Variants in C10orf88 observed in about 807,000 individuals in gnomAD.
C10orf88 encodes the protein ATPase PAAT.
In C10orf88, 29 loss-of-function variants were observed where a neutral mutation model predicts 34.2. The observed-to-expected ratio is 0.85, with a 90% confidence interval of 0.63 to 1.16. C10orf88 has a LOEUF of 1.16. C10orf88 is among the 50% of genes most tolerant of loss of function. The probability of loss-of-function intolerance (pLI) is 0.00; values close to 1 mark genes in which losing one functional copy is unlikely to be tolerated. For synonymous variants in C10orf88, 194 were observed against 197.4 expected (o/e 0.98, Z 0.15); for missense variants, 507 against 533.2 (o/e 0.95, Z 0.48).
intron 4 of C10orf88, among the ~76,000 whole-genome samples, chr10:122,942,661 G>A (rs1490323882): frequency 2.7e-5 from 4 of 150,190 alleles, no homozygotes; most frequent in African/African-American, 4.9e-5. Flanking sequence ...AAGCTGATAA[G>A]CAACTTCAGC....
chr10:122,950,246 A>G (rs765746570), intron 3 of C10orf88, among the ~76,000 whole-genome samples: 6 of 152,244 alleles, frequency 3.9e-5, no homozygotes, highest in Non-Finnish European at 8.8e-5. Context: ...TGCGAGGATT[A>G]TATGTTAAAA....
chr10:122,949,024 A>AT (rs1358481753), intron 3 of C10orf88, among the ~76,000 whole-genome samples, 169 bp from the exon 4 acceptor site: 4 of 152,230 alleles, frequency 2.6e-5, no homozygotes, highest in Non-Finnish European at 4.4e-5. Flanking sequence ...AAAAATTCCA[A>AT]TTTATCATGA....
chr10:122,932,320 G>A lies in C10orf88; in HGVS notation c.*107C>T. On this transcript the variant is annotated 3_prime_UTR_variant, in exon 6 of 6. Coordinates refer to ENST00000481909, the MANE Select transcript of C10orf88 (RefSeq NM_024942.4). ...CTGAGGTCACTTTGTGTAAGACAAT[G>A]ATCCCTCAAAGGACATTAAATACTT... The A allele has an allele frequency of 1.1e-6, 1 of 918,084 alleles. No homozygotes were observed. The highest frequency in any genetic ancestry group is 1.6e-6 in the Non-Finnish European group (1 of 623,702). The allele number at this position is 918,084 out of a possible 1,614,324, so 56.9% of individuals were successfully genotyped here.
At chr10:122,946,634 T>A (rs981344346) in intron 4 of C10orf88, among the ~76,000 whole-genome samples, 3 of 152,068 alleles carry the variant, frequency 2.0e-5, no homozygotes, top group Admixed American at 1.3e-4. Context: ...TTTAGTGAGA[T>A]AAACATGCAA....
At chr10:122,952,751 A>C in intron 2 of C10orf88, 78 bp downstream of exon 2, 1 of 1,530,788 alleles carries the variant, frequency 6.5e-7, no homozygotes, top group Non-Finnish European at 9.0e-7. Flanking sequence ...ATATCAGAGA[A>C]TCAATAATTA....
chr10:122,952,703 G>A (rs534701297), intron 2 of C10orf88, 126 bp downstream of exon 2: 19 of 1,138,846 alleles, frequency 1.7e-5, no homozygotes, highest in Admixed American at 4.6e-5. Flanking sequence ...ATGCCTACTG[G>A]CACATTTTTA....
intron 4 of C10orf88, among the ~76,000 whole-genome samples, chr10:122,938,656 A>G (rs1347976273): frequency 6.6e-6 from 1 of 151,996 alleles, no homozygotes; most frequent in Non-Finnish European, 1.5e-5. Context: ...TTTTTCCTGG[A>G]AACTACACAG....
At chr10:122,940,785 A>G (rs1306029159) in intron 4 of C10orf88, among the ~76,000 whole-genome samples, 1 of 152,082 alleles carries the variant, frequency 6.6e-6, no homozygotes, top group East Asian at 1.9e-4. Flanking sequence ...ATCCATGAAT[A>G]GGTAACTGCA....
intron 4 of C10orf88, among the ~76,000 whole-genome samples, chr10:122,939,202 G>A (rs1008344401): frequency 1.3e-5 from 2 of 151,604 alleles, no homozygotes; most frequent in African/African-American, 2.4e-5. Context: ...ATACAGCAGC[G>A]AACAAAATAA....
intron 1 of C10orf88, 123 bp downstream of exon 1, chr10:122,953,892 G>C: frequency 3.0e-6 from 2 of 656,536 alleles, no homozygotes; most frequent in Non-Finnish European, 3.7e-6. Flanking sequence ...TCCCCAACTA[G>C]AGACCTGGTA....
chr10:122,934,343 C>A (rs1848514018), intron 5 of C10orf88, among the ~76,000 whole-genome samples: 1 of 152,116 alleles, frequency 6.6e-6, no homozygotes, highest in Admixed American at 6.5e-5. Flanking sequence ...ATACCTACTC[C>A]CCTAAAGTCT....
At chr10:122,936,951 T>C (rs542558602) in intron 5 of C10orf88, among the ~76,000 whole-genome samples, 8 of 152,156 alleles carry the variant, frequency 5.3e-5, no homozygotes, top group African/African-American at 1.9e-4. Flanking sequence ...TATTCTGCTA[T>C]TGTTGGTAGA....
chr10:122,954,198 C>T lies in C10orf88; in HGVS notation c.-20G>A, dbSNP rs1402830676. ...CTCCATTCCGCCGCCTTCAGTCAGGCCAGCCCAGCCCCGGAACCTCTCTTC... is the reference window on the plus strand; with the variant it reads ...CTCCATTCCGCCGCCTTCAGTCAGGTCAGCCCAGCCCCGGAACCTCTCTTC... On this transcript the variant is annotated 5_prime_UTR_variant, in exon 1 of 6. Coordinates refer to ENST00000481909, the MANE Select transcript of C10orf88 (RefSeq NM_024942.4). The T allele has an allele frequency of 1.3e-6, 2 of 1,527,394 alleles. No homozygotes were observed. Among genetic ancestry groups the T allele is most frequent in the East Asian group, 2.6e-5 (1 of 38,162 alleles). 94.6% of individuals were successfully genotyped at this position (1,527,394 alleles called of 1,614,324 possible). A position where few individuals can be genotyped will look rare whatever the true frequency, so the allele number is the denominator to read the frequency against.
chr10:122,950,579 CCTCT>C (rs1358906467), intron 3 of C10orf88, among the ~76,000 whole-genome samples: 1 of 152,200 alleles, frequency 6.6e-6, no homozygotes, highest in Non-Finnish European at 1.5e-5. Flanking sequence ...TACCTCTCAA[CCTCT>C]CTATTATCCC....
intron 1 of C10orf88, 78 bp downstream of exon 1, chr10:122,953,937 C>G: frequency 7.2e-6 from 10 of 1,392,820 alleles, no homozygotes; most frequent in Non-Finnish European, 9.3e-6. Context: ...CTCAGACCCT[C>G]TCGCCTCCCC....
intron 4 of C10orf88, among the ~76,000 whole-genome samples, chr10:122,943,750 T>C (rs1848608425): frequency 6.6e-6 from 1 of 152,250 alleles, no homozygotes; most frequent in East Asian, 1.9e-4. Context: ...AAGACATTTA[T>C]GCAGCCAAAA....
chr10:122,949,665 A>G (rs1404526892), intron 3 of C10orf88, among the ~76,000 whole-genome samples: 1 of 152,196 alleles, frequency 6.6e-6, no homozygotes, highest in Non-Finnish European at 1.5e-5. Context: ...TTTTCCATTT[A>G]ATATTTTTGG....
In C10orf88 at chr10:122,938,053, G is replaced by A. The variant is rs192724347; in HGVS notation, c.755C>T (p.Ser252Leu). ...SSSTLGTLNK[S>L]SSTPFPFRTG... The stretch of plus-strand genomic sequence containing the variant: ...TCTAAAAGGAAAAGGTGTGGAGGAC[G>A]ACTTGTTTAAGGTTCCTAAGGTAGA... Residue 252 changes from serine (S) to leucine (L), a missense_variant, in exon 5 of 6, where the codon TCG (serine) becomes TTG (leucine). Coordinates refer to ENST00000481909, the MANE Select transcript of C10orf88 (RefSeq NM_024942.4). 3.8e-5 allele frequency: 62 copies of A among 1,613,158 alleles called. No individual in the cohort carries two copies. In the East Asian group the frequency reaches 1.1e-3, roughly 30 times the overall value.
At position 122,954,152 on chromosome 10, in the gene C10orf88, G is replaced by A. The variant is rs779429128; in HGVS notation, c.27C>T (p.Gly9=). The change falls in exon 1 of 6, where the codon GGC becomes GGT. Residue 9 remains glycine (G), a synonymous_variant. Coordinates refer to ENST00000481909, the MANE Select transcript of C10orf88 (RefSeq NM_024942.4). ...AGGCCAGCGTGGGGCGGCGGGTGAG[G>A]CCCCCGTCCTCGGTCCGCGTCTCCA... is the stretch of plus-strand genomic sequence containing the variant. The part of the protein sequence containing the change: METRTEDG[G]LTRRPTLASS... The A allele has an allele frequency of 4.4e-6, 7 of 1,580,090 alleles. No homozygotes were observed. Among genetic ancestry groups the A allele is most frequent in the East Asian group, 4.8e-5 (2 of 41,386 alleles).
Sources: allele counts gnomAD v4.1 joint callset (sites outside exome capture counted in the v4.1 genomes callset), GRCh38; gene constraint gnomAD v4.1.1; transcripts MANE v1.5; gene names NCBI Gene and HGNC (gene_info 2026-07-23, HGNC 2026-07-21).